APCDD1L: variants seen among roughly 807,000 people sequenced by gnomAD.
APCDD1L encodes APC down-regulated 1 like.
Under a neutral mutation model 24.2 loss-of-function variants are expected in APCDD1L, and 21 were observed. The observed-to-expected ratio is 0.87, with a 90% CI of 0.61 to 1.25. APCDD1L has a LOEUF of 1.25. Ranked by LOEUF, APCDD1L falls within the 50% of genes most tolerant of loss-of-function variation. The pLI, the probability that APCDD1L is intolerant of heterozygous loss-of-function variation, is 0.00. For synonymous variants in APCDD1L, 321 were observed against 323.6 expected, an observed-to-expected ratio of 0.99 and a Z score of 0.09; for missense variants, 704 against 711.7, an observed-to-expected ratio of 0.99 and a Z score of 0.12.
intron 1 of APCDD1L, among the ~76,000 whole-genome samples, chr20:58,493,056 C>T (rs1165132166): frequency 6.6e-6 from 1 of 151,944 alleles, no homozygotes; most frequent in Non-Finnish European, 1.5e-5. Flanking sequence ...TACACATGCA[C>T]TCACACACAA....
Position 58,467,271 on chromosome 20 carries a change from G to A in APCDD1L, c.576C>T (p.Thr192=). Reference sequence around the variant, plus strand: ...CGCGGACCAGGCTGAGCTCGTGCATGGTGAGGCCCAGCGCCTCCAGGCAGT... The same window carrying A: ...CGCGGACCAGGCTGAGCTCGTGCATAGTGAGGCCCAGCGCCTCCAGGCAGT... ...QGDCLEALGL[T]MHELSLVRVQ... The change falls in exon 3 of 4, where the codon ACC becomes ACT. Residue 192 remains threonine (T), a synonymous_variant. Transcript: ENST00000371149. This position sits in a 1 kb window ranked among gnomAD's most constrained non-coding sequence, Gnocchi z 5.9. 1 of 1,570,490 alleles carries A rather than the reference G, an allele frequency of 6.4e-7. No homozygotes were observed. Among genetic ancestry groups the A allele is most frequent in the Non-Finnish European group, 8.6e-7 (1 of 1,164,658 alleles).
intron 1 of APCDD1L, among the ~76,000 whole-genome samples, chr20:58,502,551 A>G (rs1990455976): frequency 6.6e-6 from 1 of 152,232 alleles, no homozygotes. Context: ...GTCAGCACCC[A>G]CTGAATGCTT....
At chr20:58,474,573 G>C (rs374273770) in intron 1 of APCDD1L, among the ~76,000 whole-genome samples, 7 of 152,012 alleles carry the variant, frequency 4.6e-5, no homozygotes, top group Admixed American at 2.0e-4. Context: ...GCATGGTGGC[G>C]CGCACCTGTA....
In APCDD1L at chr20:58,461,461, G is replaced by T. The variant is rs185451999; in HGVS notation, c.835C>A (p.His279Asn). 1.0e-5 allele frequency: 15 copies of T among 1,494,890 alleles called. 1 individual carries two copies. The African/African-American group carries it at 1.7e-4, about 17-fold the overall frequency. The allele number at this position is 1,494,890 out of a possible 1,614,324, so 92.6% of individuals were successfully genotyped here. Reference protein sequence around the residue: ...VLPPPLALPLHLGGWWVSSGC... With the variant: ...VLPPPLALPLNLGGWWVSSGC... Reference sequence around the variant, plus strand: ...GAGCTGACCCACCAGCCGCCCAGGTGCAGGGGCAGGGCCAGAGGGGGCGGC... The same window carrying T: ...GAGCTGACCCACCAGCCGCCCAGGTTCAGGGGCAGGGCCAGAGGGGGCGGC... Residue 279 changes from histidine (H) to asparagine (N), a missense_variant, in exon 4 of 4, where the codon CAC (histidine) becomes AAC (asparagine). His to Asn is a moderately conservative substitution (Grantham distance 68, BLOSUM62 1). Transcript: ENST00000371149. This position sits in a 1 kb window ranked among gnomAD's most constrained non-coding sequence, Gnocchi z 6.0.
intron 1 of APCDD1L, among the ~76,000 whole-genome samples, chr20:58,493,786 G>C (rs1377823183): frequency 1.3e-5 from 2 of 152,202 alleles, no homozygotes. Flanking sequence ...TTTGGGATGA[G>C]GGCTGGGCTC....
chr20:58,514,321 G>A (rs1457823414), intron 1 of APCDD1L, among the ~76,000 whole-genome samples: 1 of 152,204 alleles, frequency 6.6e-6, no homozygotes, highest in Non-Finnish European at 1.5e-5. Context: ...CAGTGGGCCT[G>A]GGATCCTCCT....
chr20:58,513,976 G>C (rs1990683610), intron 1 of APCDD1L: 1 of 1,286,696 alleles, frequency 7.8e-7, no homozygotes, highest in Non-Finnish European at 1.0e-6. Flanking sequence ...TTTGTCAGTG[G>C]TGACTGGGCC....
intron 1 of APCDD1L, among the ~76,000 whole-genome samples, chr20:58,488,758 T>C (rs1235908929): frequency 2.0e-5 from 3 of 152,152 alleles, no homozygotes; most frequent in African/African-American, 7.2e-5. Flanking sequence ...CTTATGAGCA[T>C]ATTGTTAAAA....
chr20:58,509,007 T>TGA (rs2123195779), intron 1 of APCDD1L, among the ~76,000 whole-genome samples: 1 of 151,826 alleles, frequency 6.6e-6, no homozygotes, highest in Non-Finnish European at 1.5e-5. Flanking sequence ...TGTGTGTGTG[T>TGA]GTGTGTGTGT....
At position 58,460,550 on chromosome 20, in the gene APCDD1L, A is replaced by G. The variant is rs1989574742; in HGVS notation, c.*240T>C. 1 of 415,758 alleles carries G rather than the reference A, an allele frequency of 2.4e-6. No individual in the cohort carries two copies. Among genetic ancestry groups the G allele is most frequent in the Non-Finnish European group, 4.2e-6 (1 of 239,550 alleles). The allele number at this position is 415,758 out of a possible 1,614,324, so 25.8% of individuals were successfully genotyped here. On this transcript the variant is annotated 3_prime_UTR_variant, in exon 4 of 4. Transcript: ENST00000371149. This position sits in a 1 kb window ranked among gnomAD's most constrained non-coding sequence, Gnocchi z 4.2. ...TTTAGAAACTCACGTAGCGATGAAC[A>G]TCACTGCCGCATCCAAGTGCTTGAC...
At chr20:58,504,878 A>C (rs913814037) in intron 1 of APCDD1L, among the ~76,000 whole-genome samples, 4 of 152,206 alleles carry the variant, frequency 2.6e-5, no homozygotes, top group African/African-American at 9.6e-5. Context: ...ACCAGGACCA[A>C]GTCCTGCAGC....
intron 1 of APCDD1L, among the ~76,000 whole-genome samples, chr20:58,503,632 C>A (rs1990482497): frequency 1.3e-5 from 2 of 152,096 alleles, no homozygotes; most frequent in South Asian, 4.1e-4. Flanking sequence ...AATATTGAGG[C>A]TTGGGGAAGG....
At chr20:58,479,328 A>C (rs1280355027) in intron 1 of APCDD1L, among the ~76,000 whole-genome samples, 1 of 152,172 alleles carries the variant, frequency 6.6e-6, no homozygotes, top group African/African-American at 2.4e-5. Context: ...TACTTACAGC[A>C]CAACTCAATT....
At position 58,494,090 on chromosome 20, in the gene APCDD1L, G is replaced by A. The variant is rs926392145; in HGVS notation, c.49+20569C>T. ...TATTTAGGATTCATTAGCTGGAAGC[G>A]GATCATCATAAAGGTCTTCATCCTC... is the stretch of plus-strand genomic sequence containing the variant. On this transcript the variant is annotated intron_variant, in intron 1 of 3. Coordinates refer to ENST00000371149, the MANE Select transcript of APCDD1L (RefSeq NM_153360.3). The surrounding 1 kb of genome is among the most constrained non-coding windows in gnomAD (Gnocchi z 4.8). Among the ~76,000 whole-genome samples the A allele has an allele frequency of 2.0e-5, 3 of 152,094 alleles. No individual in the cohort carries two copies. Among genetic ancestry groups the A allele is most frequent in the Non-Finnish European group, 4.4e-5 (3 of 68,008 alleles).
intron 1 of APCDD1L, among the ~76,000 whole-genome samples, chr20:58,493,864 C>G (rs1990269874): frequency 6.6e-6 from 1 of 152,188 alleles, no homozygotes; most frequent in Non-Finnish European, 1.5e-5. Context: ...GGCACCAGTG[C>G]CCCACACAGT....
rs150788217 is a variant in APCDD1L at position 58,485,679 on chromosome 20, C to T, written c.50-14932G>A. On this transcript the variant is annotated intron_variant, in intron 1 of 3. Coordinates refer to ENST00000371149, the MANE Select transcript of APCDD1L (RefSeq NM_153360.3). ...TCTGGCCCCTGTAATTCATTCTCCA[C>T]GGAGCAGCAAGCATGATCTTTAAAA... Among the ~76,000 whole-genome samples the T allele has an allele frequency of 5.6e-4, 86 of 152,348 alleles. 1 individual carries two copies. The East Asian group carries it at 7.5e-3, about 13-fold the overall frequency.
chr20:58,507,381 T>C (rs2123193379), intron 1 of APCDD1L, among the ~76,000 whole-genome samples: 1 of 152,328 alleles, frequency 6.6e-6, no homozygotes, highest in South Asian at 2.1e-4. Flanking sequence ...GTCCATGGCA[T>C]AGAGAGGTTG....
chr20:58,468,636 C>T (rs1300512407), intron 2 of APCDD1L, among the ~76,000 whole-genome samples: 6 of 152,156 alleles, frequency 3.9e-5, no homozygotes, highest in African/African-American at 9.7e-5. Context: ...GGTGCAATCT[C>T]GGCTCACCGC....
Position 58,497,676 on chromosome 20 carries a change from T to G in APCDD1L, c.49+16983A>C, listed in dbSNP as rs1047032114. Among the ~76,000 whole-genome samples the G allele has an allele frequency of 1.3e-5, 2 of 152,194 alleles. No homozygotes were observed. Among genetic ancestry groups the G allele is most frequent in the Non-Finnish European group, 2.9e-5 (2 of 68,034 alleles). On this transcript the variant is annotated intron_variant, in intron 1 of 3. Transcript: ENST00000371149. The surrounding 1 kb of genome is among the most constrained non-coding windows in gnomAD (Gnocchi z 4.3). The stretch of plus-strand genomic sequence containing the variant: ...CCTGAATGGCCTCATTTTAACTTGA[T>G]GACCTCTGCAAAGACCCTGTCTCTA...
Sources: allele counts gnomAD v4.1 joint callset (sites outside exome capture counted in the v4.1 genomes callset), GRCh38; gene constraint gnomAD v4.1.1; non-coding constraint Gnocchi (gnomAD v3.1); transcripts MANE v1.5; gene names NCBI Gene and HGNC (gene_info 2026-07-23, HGNC 2026-07-21).